Variants in SLC10A7 observed in about 807,000 individuals in gnomAD.
SLC10A7 encodes solute carrier family 10 member 7.
In SLC10A7, 29 loss-of-function variants were observed where a neutral mutation model predicts 43.2. That is an observed-to-expected ratio of 0.67 (90% CI 0.50 to 0.92). The LOEUF is 0.92. Ranked by LOEUF, SLC10A7 falls within the 40% of genes least tolerant of loss-of-function variation. SLC10A7 has a pLI of 0.00. For synonymous variants in SLC10A7, 152 were observed against 144.8 expected, an observed-to-expected ratio of 1.05 and a Z score of -0.35; for missense variants, 295 against 403.2, an observed-to-expected ratio of 0.73 and a Z score of 2.30.
At chr4:146,310,164 G>T (rs377578709) in intron 6 of SLC10A7, among the ~76,000 whole-genome samples, 1 of 152,080 alleles carries the variant, frequency 6.6e-6, no homozygotes, top group East Asian at 1.9e-4. Flanking sequence ...TTCTTTTTTT[G>T]TGTCTGTGTA....
At chr4:146,261,410 T>G (rs1728212050) in intron 10 of SLC10A7, among the ~76,000 whole-genome samples, 1 of 149,636 alleles carries the variant, frequency 6.7e-6, no homozygotes, top group Non-Finnish European at 1.5e-5. Flanking sequence ...AATTCTAACT[T>G]CTTCCCTTTG....
chr4:146,442,212 T>G (rs908626998), intron 5 of SLC10A7: 3 of 961,400 alleles, frequency 3.1e-6, no homozygotes, highest in Non-Finnish European at 3.7e-6. Context: ...GTTCTACTTA[T>G]GAAAGCTGAA....
chr4:146,521,380 G>A (rs1428839085), intron 1 of SLC10A7, among the ~76,000 whole-genome samples: 1 of 152,122 alleles, frequency 6.6e-6, no homozygotes, highest in East Asian at 1.9e-4. Context: ...TGACACTCAG[G>A]ATAGTCATTG....
chr4:146,311,252 T>G (rs192331088), intron 6 of SLC10A7, among the ~76,000 whole-genome samples: 2 of 152,214 alleles, frequency 1.3e-5, no homozygotes, highest in South Asian at 4.2e-4. Context: ...TAAAATAATA[T>G]GGGGCAAACT....
At chr4:146,453,021 C>A (rs1033570569) in intron 4 of SLC10A7, among the ~76,000 whole-genome samples, 2 of 121,024 alleles carry the variant, frequency 1.7e-5, no homozygotes, top group Non-Finnish European at 3.3e-5. Flanking sequence ...TAGATATATA[C>A]AATGTGTGTG....
At chr4:146,349,966 G>T (rs1317102818) in intron 5 of SLC10A7, among the ~76,000 whole-genome samples, 1 of 151,956 alleles carries the variant, frequency 6.6e-6, no homozygotes, top group Non-Finnish European at 1.5e-5. Flanking sequence ...TCCTGTACAT[G>T]TACCCCCACA....
intron 5 of SLC10A7, among the ~76,000 whole-genome samples, chr4:146,390,124 C>T (rs1012489210): frequency 2.6e-5 from 4 of 152,174 alleles, no homozygotes; most frequent in Non-Finnish European, 5.9e-5. Context: ...AAACTATTTT[C>T]ACTAATATTT....
intron 7 of SLC10A7, among the ~76,000 whole-genome samples, chr4:146,301,185 C>T (rs902097222): frequency 1.5e-4 from 23 of 152,082 alleles, no homozygotes; most frequent in East Asian, 3.8e-4. Flanking sequence ...CGATGGGAGA[C>T]GTGGAATTTA....
chr4:146,313,772 C>T (rs1732141160), intron 6 of SLC10A7, among the ~76,000 whole-genome samples: 1 of 152,108 alleles, frequency 6.6e-6, no homozygotes, highest in African/African-American at 2.4e-5. Context: ...GTCTCTTTCG[C>T]TGACCTAGAC....
At chr4:146,327,415 A>T (rs1006860483) in intron 5 of SLC10A7, among the ~76,000 whole-genome samples, 18 of 152,334 alleles carry the variant, frequency 1.2e-4, no homozygotes, top group African/African-American at 4.3e-4. Context: ...GGAGAGCCAA[A>T]TGTGCTAAAT....
In SLC10A7 at chr4:146,470,409, T is replaced by A. The variant is rs188903849; in HGVS notation, c.397-27588A>T. Among the ~76,000 whole-genome samples the A allele has an allele frequency of 2.8e-4, 43 of 151,654 alleles. 1 individual carries two copies. In the East Asian group the frequency reaches 5.2e-3, roughly 18 times the overall value. Reference sequence around the variant, plus strand: ...ACATATATATGTACATATATAAATATATACACATGCCATACACATACCCCA... The same window carrying A: ...ACATATATATGTACATATATAAATAAATACACATGCCATACACATACCCCA... On this transcript the variant is annotated intron_variant, in intron 4 of 11. Transcript: ENST00000335472.
chr4:146,485,384 A>C (rs1419335328), intron 4 of SLC10A7, among the ~76,000 whole-genome samples: 1 of 152,160 alleles, frequency 6.6e-6, no homozygotes, highest in Non-Finnish European at 1.5e-5. Context: ...CTAGAGGGGC[A>C]TGACAGCAGC....
At chr4:146,470,100 G>A (rs999393178) in intron 4 of SLC10A7, among the ~76,000 whole-genome samples, 19 of 152,120 alleles carry the variant, frequency 1.2e-4, no homozygotes, top group African/African-American at 4.6e-4. Context: ...CTGACAACAG[G>A]CAGCATACAG....
At chr4:146,491,246 T>C (rs1735388009) in intron 4 of SLC10A7, among the ~76,000 whole-genome samples, 3 of 151,834 alleles carry the variant, frequency 2.0e-5, no homozygotes, top group Non-Finnish European at 2.9e-5. Flanking sequence ...AGCAGAAGAA[T>C]TCATGAGAAG....
intron 5 of SLC10A7, among the ~76,000 whole-genome samples, chr4:146,387,429 A>G (rs1238349408): frequency 6.6e-6 from 1 of 152,204 alleles, no homozygotes; most frequent in African/African-American, 2.4e-5. Flanking sequence ...CCTTCATGAT[A>G]AAAACTCACA....
chr4:146,272,394 C>A (rs185700087), intron 10 of SLC10A7, among the ~76,000 whole-genome samples: 4 of 152,248 alleles, frequency 2.6e-5, no homozygotes, highest in African/African-American at 7.2e-5. Context: ...TACTGGGTAC[C>A]CCATAGCTTG....
intron 10 of SLC10A7, among the ~76,000 whole-genome samples, chr4:146,278,103 A>G (rs1380013729): frequency 6.6e-6 from 1 of 152,138 alleles, no homozygotes; most frequent in Non-Finnish European, 1.5e-5. Flanking sequence ...CTATAATCCA[A>G]TGCAGTTCTG....
Position 146,255,063 on chromosome 4 carries a change from A to C in SLC10A7, c.*1428T>G, listed in dbSNP as rs1436753100. On this transcript the variant is annotated 3_prime_UTR_variant, in exon 12 of 12. Coordinates refer to ENST00000335472, the MANE Select transcript of SLC10A7 (RefSeq NM_001029998.6). ...ATTTTTTGTTGTGGGCATAATAACG[A>C]AACAACAAAAACAGCTGCTGAGGAC... 2 of 152,226 alleles carry C rather than the reference A, an allele frequency of 1.3e-5. No homozygotes were observed. The highest frequency in any genetic ancestry group is 3.9e-4 in the East Asian group (2 of 5,194). 9.4% of individuals were successfully genotyped at this position (152,226 alleles called of 1,614,324 possible). A position where few individuals can be genotyped will look rare whatever the true frequency, so the allele number is the denominator to read the frequency against.
intron 5 of SLC10A7, among the ~76,000 whole-genome samples, chr4:146,406,932 G>C (rs1727753305): frequency 6.6e-6 from 1 of 152,136 alleles, no homozygotes; most frequent in Admixed American, 6.6e-5. Context: ...GCAGTGAGCT[G>C]AGATCACACC....
Sources: allele counts gnomAD v4.1 joint callset (sites outside exome capture counted in the v4.1 genomes callset), GRCh38; gene constraint gnomAD v4.1.1; transcripts MANE v1.5; gene names NCBI Gene and HGNC (gene_info 2026-07-23, HGNC 2026-07-21).